Variants in TBC1D7 observed in about 807,000 individuals in gnomAD.
The protein encoded by TBC1D7 is TBC1 domain family member 7.
Under a neutral mutation model 35.3 loss-of-function variants are expected in TBC1D7, and 33 were observed. The observed-to-expected ratio is 0.93, with a 90% CI of 0.71 to 1.25. TBC1D7 has a LOEUF of 1.25. Ranked by LOEUF, TBC1D7 falls within the 50% of genes most tolerant of loss-of-function variation. The probability of loss-of-function intolerance (pLI) is 0.00; values close to 1 mark genes in which losing one functional copy is unlikely to be tolerated. For missense variants in TBC1D7, 362 were observed against 365.3 expected (o/e 0.99, Z 0.07); for synonymous variants, 135 against 129.5 (o/e 1.04, Z -0.29).
chr6:13,306,932 T>C (rs1782847730), intron 6 of TBC1D7: 1 of 154,262 alleles, frequency 6.5e-6, no homozygotes, highest in East Asian at 1.9e-4. Flanking sequence ...TGGGATAAAT[T>C]CAATTTCATT....
At chr6:13,320,362 C>T in intron 4 of TBC1D7, 1 of 213,564 alleles carries the variant, frequency 4.7e-6, no homozygotes, top group Non-Finnish European at 9.4e-6. Context: ...TGTACTATGG[C>T]TATCTACAGG....
intron 3 of TBC1D7, 40 bp downstream of exon 3, chr6:13,325,054 T>A: frequency 1.4e-6 from 2 of 1,461,196 alleles, no homozygotes; most frequent in South Asian, 2.4e-5. Flanking sequence ...CTTCATTCAA[T>A]ATTTTTTAAG....
At chr6:13,313,842 G>C (rs1783403978) in intron 5 of TBC1D7, among the ~76,000 whole-genome samples, 1 of 152,066 alleles carries the variant, frequency 6.6e-6, no homozygotes, top group Non-Finnish European at 1.5e-5. Flanking sequence ...GTACTAACAG[G>C]AAGTCAGGAC....
rs563675420 is a variant in TBC1D7, at chr6:13,305,286, T to C, written c.796-99A>G. ...CATGAAATCCACTTCCATGGGAGTT[T>C]GCACTGTTTTTCAGAAAGTGACAGC... On this transcript the variant is annotated intron_variant, in intron 7 of 7. Transcript: ENST00000379300. 7.1e-5 allele frequency: 82 copies of C among 1,153,878 alleles called. No individual in the cohort carries two copies. In the African/African-American group the frequency reaches 1.0e-3, roughly 14 times the overall value. 71.5% of individuals were successfully genotyped at this position (1,153,878 alleles called of 1,614,324 possible).
chr6:13,326,390 G>A (rs1379217080), intron 2 of TBC1D7, among the ~76,000 whole-genome samples: 1 of 151,340 alleles, frequency 6.6e-6, no homozygotes, highest in African/African-American at 2.4e-5. Context: ...TTGAACCCAG[G>A]AAGTGTAGGT....
chr6:13,314,926 G>A (rs1447490345), intron 5 of TBC1D7, among the ~76,000 whole-genome samples: 3 of 152,228 alleles, frequency 2.0e-5, no homozygotes, highest in Admixed American at 6.5e-5. Flanking sequence ...AGGAAGACTA[G>A]CTTGTGCAAT....
intron 3 of TBC1D7, among the ~76,000 whole-genome samples, chr6:13,321,546 C>T (rs1483222541): frequency 6.6e-6 from 1 of 152,226 alleles, no homozygotes; most frequent in South Asian, 2.1e-4. Context: ...AACTTGCTCA[C>T]TAAGTATCCT....
chr6:13,306,553 A>T, intron 6 of TBC1D7, 26 bp from the exon 7 acceptor site: 1 of 1,537,216 alleles, frequency 6.5e-7, no homozygotes, highest in Non-Finnish European at 8.8e-7. Flanking sequence ...GATATAATCA[A>T]ATTATATGAG....
intron 5 of TBC1D7, among the ~76,000 whole-genome samples, chr6:13,310,916 C>CATAGATGTGATTTATTATAG (rs1161193650): frequency 3.9e-5 from 6 of 152,034 alleles, no homozygotes. Flanking sequence ...TGATAGATAA[C>CATAGATGTGATTTATTATAG]ATAGATGTGA....
intron 2 of TBC1D7, 42 bp from the exon 3 acceptor site, chr6:13,325,216 G>C: frequency 7.2e-7 from 1 of 1,395,962 alleles, no homozygotes; most frequent in South Asian, 1.2e-5. Context: ...TTTTCATGCT[G>C]ATCACAGTAT....
At chr6:13,306,575 T>A (rs772997883) in intron 6 of TBC1D7, 48 bp from the exon 7 acceptor site, 1 of 1,445,444 alleles carries the variant, frequency 6.9e-7, no homozygotes, top group East Asian at 2.4e-5. Context: ...TTCAGAATTA[T>A]GTTTAGCCTA....
At chr6:13,315,495 C>T (rs958158701) in intron 5 of TBC1D7, among the ~76,000 whole-genome samples, 1 of 152,096 alleles carries the variant, frequency 6.6e-6, no homozygotes, top group Non-Finnish European at 1.5e-5. Flanking sequence ...GGGCGGATAA[C>T]CTGAGGTCAG....
chr6:13,309,098 A>G (rs1207929563), intron 5 of TBC1D7, among the ~76,000 whole-genome samples: 1 of 152,200 alleles, frequency 6.6e-6, no homozygotes, highest in East Asian at 1.9e-4. Flanking sequence ...CAACCTCCCT[A>G]TACTGCTCAA....
At chr6:13,305,260 G>T in intron 7 of TBC1D7, 73 bp from the exon 8 acceptor site, 2 of 1,408,560 alleles carry the variant, frequency 1.4e-6, no homozygotes, top group Non-Finnish European at 1.0e-6. Flanking sequence ...ATTCGCTGTG[G>T]CATGAAATCC....
At position 13,321,050 on chromosome 6, in the gene TBC1D7, T is replaced by C. The variant is rs772028606; in HGVS notation, c.239A>G (p.Tyr80Cys). The C allele has an allele frequency of 3.7e-6, 6 of 1,614,066 alleles. No homozygotes were observed. The South Asian group carries it at 5.5e-5, about 15-fold the overall frequency. ...HHESHAKVMM[Y>C]RKEQYLDVLH... is the part of the protein sequence containing the mutation. The stretch of plus-strand genomic sequence containing the variant: ...GACATCCAAGTACTGCTCCTTACGA[T>C]ACATCATCACCTTGGCATGGGACTC... Residue 80 changes from tyrosine (Y) to cysteine (C), a missense_variant, in exon 4 of 8, where the codon TAT becomes TGT. Tyr to Cys is a radical substitution (Grantham distance 194). Coordinates refer to ENST00000379300, the MANE Select transcript of TBC1D7 (RefSeq NM_016495.6).
Position 13,307,656 on chromosome 6 carries a change from A to C in TBC1D7, c.609T>G (p.Tyr203Ter). Reference sequence around the variant, plus strand: ...CAAAGCACCTCTTGAACCAGAGATCATAAGGAAGTTTGGGCGCCGCGGAAC... The same window carrying C: ...CAAAGCACCTCTTGAACCAGAGATCCTAAGGAAGTTTGGGCGCCGCGGAAC... Reference protein sequence around the residue: ...RMCSAAPKLPYDLWFKRCFAG... With the variant: ...RMCSAAPKLP The change falls in exon 6 of 8, where the codon TAT (tyrosine) becomes TAG (stop). Residue 203 changes from tyrosine to a stop codon, truncating the protein, a stop_gained. Coordinates refer to ENST00000379300, the MANE Select transcript of TBC1D7 (RefSeq NM_016495.6). LOFTEE classifies it high-confidence loss of function. 6.2e-7 allele frequency: 1 copy of C among 1,614,198 alleles called. No individual in the cohort carries two copies. The highest frequency in any genetic ancestry group is 8.5e-7 in the Non-Finnish European group (1 of 1,180,028).
At chr6:13,326,953 G>A in intron 1 of TBC1D7, 47 bp from the exon 2 acceptor site, 2 of 1,077,322 alleles carry the variant, frequency 1.9e-6, no homozygotes, top group Non-Finnish European at 2.8e-6. Flanking sequence ...AGACGAAGGG[G>A]AAAAGTGAGT....
intron 4 of TBC1D7, chr6:13,318,676 T>C (rs768221625): frequency 6.6e-6 from 1 of 152,134 alleles, no homozygotes; most frequent in Non-Finnish European, 1.5e-5. Flanking sequence ...TTTTGTAAAA[T>C]AGGAGTGTTC....
chr6:13,314,037 T>C (rs1217535887), intron 5 of TBC1D7, among the ~76,000 whole-genome samples: 2 of 151,820 alleles, frequency 1.3e-5, no homozygotes, highest in Admixed American at 1.3e-4. Context: ...GCTAACACGG[T>C]GAAACCCCAT....
Sources: allele counts gnomAD v4.1 joint callset (sites outside exome capture counted in the v4.1 genomes callset), GRCh38; gene constraint gnomAD v4.1.1; transcripts MANE v1.5; gene names NCBI Gene and HGNC (gene_info 2026-07-23, HGNC 2026-07-21).